The following ESCO1 variants were observed in gnomAD, a reference collection of about 807,000 sequenced individuals.
ESCO1 encodes N-acetyltransferase ESCO1.
Under a neutral mutation model 83.5 loss-of-function variants are expected in ESCO1, and 33 were observed. The observed-to-expected ratio is 0.40, with a 90% CI of 0.30 to 0.53. The LOEUF is 0.53. Among genes scored for constraint, ESCO1 ranks in the 20% least tolerant of loss-of-function variants. The probability of loss-of-function intolerance (pLI) is 0.63; values close to 1 mark genes in which losing one functional copy is unlikely to be tolerated. For synonymous variants in ESCO1, 332 were observed against 324.3 expected (o/e 1.02, Z -0.25); for missense variants, 855 against 968.0 (o/e 0.88, Z 1.55).
rs2038404088 is a variant in ESCO1, at chr18:21,575,253, T to G, written c.-410A>C. On this transcript the variant is annotated 5_prime_UTR_variant, in exon 4 of 12. Transcript: ENST00000269214. ...CAGTGACCTGTTTTGATAAAATTTT[T>G]GAAAACTTTTTTCTTCTGAAGTCTA... is the stretch of plus-strand genomic sequence containing the variant. The G allele has an allele frequency of 2.6e-6, 1 of 388,948 alleles. No individual in the cohort carries two copies. 24.1% of individuals were successfully genotyped at this position (388,948 alleles called of 1,614,324 possible). A position where few individuals can be genotyped will look rare whatever the true frequency, so the allele number is the denominator to read the frequency against.
At chr18:21,588,099 CA>C (rs200101799) in intron 1 of ESCO1, among the ~76,000 whole-genome samples, 20,074 of 82,554 alleles carry the variant, frequency 0.24, 1,401 homozygotes, top group Middle Eastern at 0.39. Flanking sequence ...GGATCCATCT[CA>C]AAAAAAAAAA....
intron 1 of ESCO1, among the ~76,000 whole-genome samples, chr18:21,594,225 T>C (rs978366909): frequency 6.6e-6 from 1 of 152,230 alleles, no homozygotes; most frequent in African/African-American, 2.4e-5. Flanking sequence ...ACCTGCTGCT[T>C]GAGGAATTAA....
At chr18:21,568,222 G>A in intron 4 of ESCO1, 128 bp from the exon 5 acceptor site, 2 of 647,588 alleles carry the variant, frequency 3.1e-6, no homozygotes, top group South Asian at 3.8e-5. Flanking sequence ...CAGACATGAA[G>A]TCTCCCCATG....
intron 2 of ESCO1, among the ~76,000 whole-genome samples, chr18:21,583,003 C>G (rs1284194117): frequency 6.6e-6 from 1 of 152,038 alleles, no homozygotes; most frequent in Non-Finnish European, 1.5e-5. Flanking sequence ...ACCAGGCTGG[C>G]CAACACGGCA....
At chr18:21,579,795 CACACA>C (rs1568109872) in intron 2 of ESCO1, among the ~76,000 whole-genome samples, 481 of 10,582 alleles carry the variant, frequency 0.045, 6 homozygotes, top group African/African-American at 0.059. Flanking sequence ...CGCGCGCGCG[CACACA>C]CACACACACA....
intron 1 of ESCO1, among the ~76,000 whole-genome samples, chr18:21,587,376 G>A (rs1276845223): frequency 6.6e-6 from 1 of 152,136 alleles, no homozygotes; most frequent in East Asian, 1.9e-4. Flanking sequence ...CATCAGTGAA[G>A]CCATCTGAGC....
chr18:21,565,220 G>A (rs1303035107), intron 6 of ESCO1, among the ~76,000 whole-genome samples: 3 of 152,186 alleles, frequency 2.0e-5, no homozygotes, highest in Non-Finnish European at 4.4e-5. Flanking sequence ...ATGCTTTTAA[G>A]TTTTATAGTT....
intron 1 of ESCO1, among the ~76,000 whole-genome samples, chr18:21,587,652 AGTAGCCAG>A (rs2038600625): frequency 6.6e-6 from 1 of 152,132 alleles, no homozygotes; most frequent in South Asian, 2.1e-4. Flanking sequence ...AAAAGATAAA[AGTAGCCAG>A]GTGTAGTAGC....
At position 21,531,270 on chromosome 18, in the gene ESCO1, C is replaced by T. The variant is rs775728632; in HGVS notation, c.2376-780G>A. Among the ~76,000 whole-genome samples, 21 of 151,296 alleles carry T rather than the reference C, an allele frequency of 1.4e-4. 1 individual carries two copies. The highest frequency in any genetic ancestry group is 3.6e-4 in the African/African-American group (15 of 41,144). Reference sequence around the variant, plus strand: ...CAGCCCAGGCGACATAGCAAGACTCCGACTGTACCAAAACAAATGAAATTT... The same window carrying T: ...CAGCCCAGGCGACATAGCAAGACTCTGACTGTACCAAAACAAATGAAATTT... On this transcript the variant is annotated intron_variant, in intron 11 of 11. Coordinates refer to ENST00000269214, the MANE Select transcript of ESCO1 (RefSeq NM_052911.3).
Position 21,529,887 on chromosome 18 carries a change from A to G in ESCO1, c.*456T>C, listed in dbSNP as rs1440949482. On this transcript the variant is annotated 3_prime_UTR_variant, in exon 12 of 12. Transcript: ENST00000269214. ...CTTAATATTGCACCCTCCTTGAACA[A>G]TAACTAAAAAAATTGGTTTCCACTC... 6.5e-6 allele frequency: 1 copy of G among 152,930 alleles called. No homozygotes were observed. The highest frequency in any genetic ancestry group is 2.4e-5 in the African/African-American group (1 of 41,478). 9.5% of individuals were successfully genotyped at this position (152,930 alleles called of 1,614,324 possible).
chr18:21,557,308 T>C (rs2038125912), intron 8 of ESCO1, among the ~76,000 whole-genome samples: 1 of 152,202 alleles, frequency 6.6e-6, no homozygotes, highest in East Asian at 1.9e-4. Flanking sequence ...AAAATCCTGA[T>C]TCAATAAAAA....
Position 21,540,011 on chromosome 18 carries a change from TAG to T in ESCO1, c.1954-4_1954-3del, listed in dbSNP as rs1477197536. The T allele has an allele frequency of 6.7e-6, 10 of 1,493,452 alleles. No homozygotes were observed. Among genetic ancestry groups the T allele is most frequent in the South Asian group, 1.2e-5 (1 of 86,716 alleles). 92.5% of individuals were successfully genotyped at this position (1,493,452 alleles called of 1,614,324 possible). ...CAGAATTCTTTCTTTCTTCCAGCCC[TAG>T]ATATATATATATATATATACACACA... On this transcript the variant is annotated splice_polypyrimidine_tract_variant and splice_region_variant and intron_variant, in intron 8 of 11. Coordinates refer to ENST00000269214, the MANE Select transcript of ESCO1 (RefSeq NM_052911.3).
Position 21,564,407 on chromosome 18 carries a change from T to C in ESCO1, c.1707-90A>G, listed in dbSNP as rs1278590905. 8.5e-6 allele frequency: 8 copies of C among 939,786 alleles called. No homozygotes were observed. In the South Asian group the frequency reaches 1.0e-4, roughly 12 times the overall value. 58.2% of individuals were successfully genotyped at this position (939,786 alleles called of 1,614,324 possible). A position where few individuals can be genotyped will look rare whatever the true frequency, so the allele number is the denominator to read the frequency against. On this transcript the variant is annotated intron_variant, in intron 6 of 11. Coordinates refer to ENST00000269214, the MANE Select transcript of ESCO1 (RefSeq NM_052911.3). ...AAAATAACTTATTTTCTTTTTTTTTTTGAGACGAAGTCTCACTCTGTCGCC... is the reference window on the plus strand; with the variant it reads ...AAAATAACTTATTTTCTTTTTTTTTCTGAGACGAAGTCTCACTCTGTCGCC...
rs1271843352 is a variant in ESCO1 at position 21,541,607 on chromosome 18, AAAAAG to A, written c.1954-1603_1954-1599del. 7.5e-3 allele frequency among the ~76,000 whole-genome samples: 1,129 copies of A among 151,316 alleles called. 7 individuals are homozygous for A. Among genetic ancestry groups the A allele is most frequent in the African/African-American group, 0.025 (1,042 of 41,082 alleles). On this transcript the variant is annotated intron_variant, in intron 8 of 11. Coordinates refer to ENST00000269214, the MANE Select transcript of ESCO1 (RefSeq NM_052911.3). The stretch of plus-strand genomic sequence containing the variant: ...GACACTGTCCCAAAAAAAAAAAAAA[AAAAAG>A]AAAGAAAGTAAATCTGAATCATATA...
intron 1 of ESCO1, among the ~76,000 whole-genome samples, chr18:21,592,777 G>C (rs2038698159): frequency 1.3e-5 from 2 of 148,714 alleles, no homozygotes; most frequent in Admixed American, 1.3e-4. Flanking sequence ...GGGCGGAGGG[G>C]CTCCTCACTT....
chr18:21,552,054 G>A (rs968626193), intron 8 of ESCO1, among the ~76,000 whole-genome samples: 1 of 152,152 alleles, frequency 6.6e-6, no homozygotes, highest in Non-Finnish European at 1.5e-5. Context: ...AGTTCTTCCT[G>A]ATTTAATCTA....
chr18:21,543,293 C>G (rs1339443877), intron 8 of ESCO1, among the ~76,000 whole-genome samples: 1 of 152,102 alleles, frequency 6.6e-6, no homozygotes, highest in Admixed American at 6.6e-5. Flanking sequence ...TAGTTGGGAT[C>G]ACAGGCATGT....
At position 21,556,867 on chromosome 18, in the gene ESCO1, A is replaced by G. The variant is rs899515673; in HGVS notation, c.1953+3992T>C. Reference sequence around the variant, plus strand: ...AGGCGCGTGCCACCACACCCAACTGATTTTTGTATTTTTACTAGTGATGGG... The same window carrying G: ...AGGCGCGTGCCACCACACCCAACTGGTTTTTGTATTTTTACTAGTGATGGG... On this transcript the variant is annotated intron_variant, in intron 8 of 11. Coordinates refer to ENST00000269214, the MANE Select transcript of ESCO1 (RefSeq NM_052911.3). Among the ~76,000 whole-genome samples, 4 of 151,984 alleles carry G rather than the reference A, an allele frequency of 2.6e-5. No individual in the cohort carries two copies. In the Middle Eastern group the frequency reaches 0.01, roughly 390 times the overall value.
Position 21,536,203 on chromosome 18 carries a change from G to A in ESCO1, c.2044-18C>T, listed in dbSNP as rs2037835296. 2 of 1,601,374 alleles carry A rather than the reference G, an allele frequency of 1.2e-6. No individual in the cohort carries two copies. Among genetic ancestry groups the A allele is most frequent in the South Asian group, 1.1e-5 (1 of 88,040 alleles). On this transcript the variant is annotated intron_variant, in intron 9 of 11. Coordinates refer to ENST00000269214, the MANE Select transcript of ESCO1 (RefSeq NM_052911.3). ...TCGTCAACCTGCCAAATAAAGAACAGTAATTATTTTTAAATGAAAATATTA... is the reference window on the plus strand; with the variant it reads ...TCGTCAACCTGCCAAATAAAGAACAATAATTATTTTTAAATGAAAATATTA...
Sources: allele counts gnomAD v4.1 joint callset (sites outside exome capture counted in the v4.1 genomes callset), GRCh38; gene constraint gnomAD v4.1.1; transcripts MANE v1.5; gene names NCBI Gene and HGNC (gene_info 2026-07-23, HGNC 2026-07-21).